Variants in CUX2 observed in about 807,000 individuals in gnomAD.
CUX2 encodes cut like homeobox 2.
Under a neutral mutation model 144.8 loss-of-function variants are expected in CUX2, and 40 were observed. The ratio of observed to expected loss-of-function variants is 0.28; its 90% CI spans 0.21 to 0.36. The LOEUF (loss-of-function observed/expected upper bound fraction) is 0.36, where lower values mean the gene tolerates loss of function less well. Among genes scored for constraint, CUX2 ranks in the 10% least tolerant of loss-of-function variants. The pLI, the probability that CUX2 is intolerant of heterozygous loss-of-function variation, is 1.00. For synonymous variants in CUX2, 827 were observed against 875.6 expected (o/e 0.94, Z 0.98); for missense variants, 1,615 against 1,994.0 (o/e 0.81, Z 3.62).
chr12:111,135,108 A>C (rs1349673083), intron 1 of CUX2, among the ~76,000 whole-genome samples: 1 of 152,100 alleles, frequency 6.6e-6, no homozygotes, highest in Non-Finnish European at 1.5e-5. Flanking sequence ...GAGACAGAAA[A>C]GGTCCATTTG....
intron 1 of CUX2, among the ~76,000 whole-genome samples, chr12:111,191,321 ATTTATTTATTTATTTATTTATTTATTTT>A (rs1879865878): frequency 1.4e-5 from 2 of 146,952 alleles, no homozygotes; most frequent in African/African-American, 5.3e-5. Context: ...TTATTTATTT[ATTTATTTATTTATTTATTTATTTATTTT>A]GAGACAGAGT....
At chr12:111,183,060 C>T (rs959200835) in intron 1 of CUX2, among the ~76,000 whole-genome samples, 1 of 152,186 alleles carries the variant, frequency 6.6e-6, no homozygotes, top group Non-Finnish European at 1.5e-5. Flanking sequence ...AACTGAGGCT[C>T]AGAGGCCTTG....
chr12:111,236,746 G>C (rs1345212), intron 3 of CUX2, among the ~76,000 whole-genome samples: 2,694 of 152,336 alleles, frequency 0.018, 79 homozygotes, highest in African/African-American at 0.061. Flanking sequence ...GGGAGACCTG[G>C]GTTCAAACTC....
Position 111,347,762 on chromosome 12 carries a change from C to T in CUX2, c.3898C>T (p.Gln1300Ter). 1 of 1,613,978 alleles carries T rather than the reference C, an allele frequency of 6.2e-7. No homozygotes were observed. The highest frequency in any genetic ancestry group is 8.5e-7 in the Non-Finnish European group (1 of 1,179,972). ...GGACAAGGCCCAAGTGAGGATCAAG[C>T]AGGAACAGATGGAGGAGGATGCTGA... ...TQDKAQVRIK[Q>*]EQMEEDAEEE... Residue 1300 changes from glutamine (Q) to a stop codon, truncating the protein, a stop_gained, in exon 22 of 22, where the codon CAG becomes TAG. Coordinates refer to ENST00000261726, the MANE Select transcript of CUX2 (RefSeq NM_015267.4). LOFTEE classifies it high-confidence loss of function.
intron 18 of CUX2, among the ~76,000 whole-genome samples, chr12:111,328,469 AG>A (rs1887917745): frequency 6.6e-6 from 1 of 151,982 alleles, no homozygotes; most frequent in Non-Finnish European, 1.5e-5. Flanking sequence ...CTTCCATCCG[AG>A]GTTTCTCAGA....
chr12:111,252,167 G>A (rs1883593480), intron 3 of CUX2, among the ~76,000 whole-genome samples: 1 of 152,162 alleles, frequency 6.6e-6, no homozygotes, highest in East Asian at 1.9e-4. Flanking sequence ...CTCCAGCCTG[G>A]GTGACAGAGT....
At chr12:111,236,539 G>A (rs1366898395) in intron 3 of CUX2, among the ~76,000 whole-genome samples, 1 of 152,158 alleles carries the variant, frequency 6.6e-6, no homozygotes, top group Non-Finnish European at 1.5e-5. Flanking sequence ...ATCATGCTCA[G>A]GTCACATGGA....
chr12:111,253,900 G>A (rs1220391377), intron 3 of CUX2, among the ~76,000 whole-genome samples: 1 of 139,912 alleles, frequency 7.1e-6, no homozygotes, highest in Non-Finnish European at 1.6e-5. Flanking sequence ...GTTTTGTTTT[G>A]TTTTTGTTTA....
At chr12:111,234,352 T>C (rs1190664393) in intron 3 of CUX2, among the ~76,000 whole-genome samples, 1 of 152,120 alleles carries the variant, frequency 6.6e-6, no homozygotes, top group African/African-American at 2.4e-5. Flanking sequence ...TTGGCAGATG[T>C]TATAAAGCTC....
At chr12:111,096,952 G>A (rs1243275440) in intron 1 of CUX2, among the ~76,000 whole-genome samples, 5 of 152,150 alleles carry the variant, frequency 3.3e-5, no homozygotes, top group Middle Eastern at 3.4e-3. Flanking sequence ...ACTCCAGCCT[G>A]GGCAACAAAG....
chr12:111,064,415 A>G (rs932215664), intron 1 of CUX2, among the ~76,000 whole-genome samples: 1 of 152,202 alleles, frequency 6.6e-6, no homozygotes, highest in African/African-American at 2.4e-5. Context: ...CGCTTATAAC[A>G]TTCAAGTGGT....
intron 1 of CUX2, among the ~76,000 whole-genome samples, chr12:111,156,164 G>A (rs1877360888): frequency 6.6e-6 from 1 of 152,168 alleles, no homozygotes; most frequent in Non-Finnish European, 1.5e-5. Context: ...AACGTAGGCT[G>A]TGATTGAGAT....
At chr12:111,086,350 G>A (rs939228763) in intron 1 of CUX2, among the ~76,000 whole-genome samples, 2 of 152,174 alleles carry the variant, frequency 1.3e-5, no homozygotes, top group African/African-American at 2.4e-5. Flanking sequence ...ATCAAAGAAG[G>A]AAACATTTTC....
At chr12:111,336,794 T>C (rs1245305070) in intron 19 of CUX2, among the ~76,000 whole-genome samples, 1 of 152,012 alleles carries the variant, frequency 6.6e-6, no homozygotes, top group African/African-American at 2.4e-5. Flanking sequence ...TGAACACATA[T>C]AAGAACATAT....
At chr12:111,135,234 A>G (rs1456638763) in intron 1 of CUX2, among the ~76,000 whole-genome samples, 4 of 145,256 alleles carry the variant, frequency 2.8e-5, no homozygotes, top group African/African-American at 1.0e-4. Flanking sequence ...GGTGCAGGGG[A>G]GGGTGGGGTG....
intron 3 of CUX2, among the ~76,000 whole-genome samples, chr12:111,261,044 C>T (rs1032247497): frequency 2.6e-5 from 4 of 152,184 alleles, no homozygotes; most frequent in South Asian, 2.1e-4. Context: ...TGTAAGGCAG[C>T]GGCATCCTCA....
chr12:111,047,254 A>T (rs890020021), intron 1 of CUX2, among the ~76,000 whole-genome samples: 1 of 152,158 alleles, frequency 6.6e-6, no homozygotes, highest in African/African-American at 2.4e-5. Flanking sequence ...CATTATCAAG[A>T]TTTATTTAGT....
intron 1 of CUX2, among the ~76,000 whole-genome samples, chr12:111,180,499 C>G (rs1249083843): frequency 6.6e-6 from 1 of 152,198 alleles, no homozygotes; most frequent in African/African-American, 2.4e-5. Context: ...TGGGCCTTTA[C>G]GACAGGCCGA....
intron 1 of CUX2, among the ~76,000 whole-genome samples, chr12:111,180,500 G>A (rs905283138): frequency 6.6e-6 from 1 of 152,194 alleles, no homozygotes; most frequent in Non-Finnish European, 1.5e-5. Context: ...GGGCCTTTAC[G>A]ACAGGCCGAG....
Sources: gnomAD v4.1 joint callset for allele counts (sites outside exome capture counted in the v4.1 genomes callset) on GRCh38, gnomAD v4.1.1 for gene constraint, MANE v1.5 for transcripts, NCBI Gene and HGNC (gene_info 2026-07-23, HGNC 2026-07-21) for gene names.